The following SHANK2 variants were observed in gnomAD, a reference collection of about 807,000 sequenced individuals.
SHANK2 encodes SH3 and multiple ankyrin repeat domains protein 2.
A neutral mutation model predicts 133.7 loss-of-function variants in SHANK2; 43 were observed. The observed-to-expected ratio is 0.32, with a 90% CI of 0.25 to 0.41. The LOEUF is 0.41. Ranked by LOEUF, SHANK2 falls within the 10% of genes least tolerant of loss-of-function variation. The probability of loss-of-function intolerance (pLI) is 1.00; values close to 1 mark genes in which losing one functional copy is unlikely to be tolerated. For synonymous variants in SHANK2, 1,017 were observed against 952.8 expected (o/e 1.07, Z -1.24); for missense variants, 1,994 against 2,235.8 (o/e 0.89, Z 2.18).
rs1005134815 is a variant in SHANK2, at chr11:70,718,633, G to A, written c.1778-19870C>T. 1.5e-4 allele frequency among the ~76,000 whole-genome samples: 23 copies of A among 151,886 alleles called. No homozygotes were observed. The East Asian group carries it at 2.3e-3, about 15-fold the overall frequency. On this transcript the variant is annotated intron_variant, in intron 14 of 25. Coordinates refer to ENST00000601538, the MANE Select transcript of SHANK2 (RefSeq NM_012309.5). The stretch of plus-strand genomic sequence containing the variant: ...AAATACTTCCCAATCGGTACGTCCC[G>A]TGAGAAGGCGAATGTCACAGCAGGG...
At chr11:70,718,887 C>A (rs939094157) in intron 14 of SHANK2, among the ~76,000 whole-genome samples, 1 of 152,142 alleles carries the variant, frequency 6.6e-6, no homozygotes, top group Admixed American at 6.5e-5. Context: ...TGGACTGAAT[C>A]CCACTTTGCC....
intron 15 of SHANK2, among the ~76,000 whole-genome samples, chr11:70,691,875 C>G (rs1483391989): frequency 6.6e-6 from 1 of 152,094 alleles, no homozygotes. Flanking sequence ...GCCTGGGCAA[C>G]AGAGCAAAAC....
At chr11:71,079,753 C>A (rs1951268258) in intron 8 of SHANK2, among the ~76,000 whole-genome samples, 1 of 146,836 alleles carries the variant, frequency 6.8e-6, no homozygotes, top group South Asian at 2.3e-4. Context: ...GAGTGAGACT[C>A]CGAGAAAAGA....
intron 16 of SHANK2, among the ~76,000 whole-genome samples, chr11:70,660,519 ATG>A (rs1283341752): frequency 2.6e-5 from 4 of 151,962 alleles, no homozygotes; most frequent in East Asian, 1.9e-4. Context: ...GGGCACTGGC[ATG>A]TGTGTGTGTG....
intron 17 of SHANK2, among the ~76,000 whole-genome samples, chr11:70,598,253 G>A (rs186260345): frequency 5.9e-4 from 89 of 150,476 alleles, no homozygotes; most frequent in Non-Finnish European, 1.0e-3. Flanking sequence ...AGTTGGGCTG[G>A]AGAGAAGGGT....
At chr11:71,219,805 GGA>G (rs1436021731) in intron 2 of SHANK2, among the ~76,000 whole-genome samples, 2 of 152,228 alleles carry the variant, frequency 1.3e-5, no homozygotes, top group Admixed American at 1.3e-4. Flanking sequence ...GGCTGAGGTA[GGA>G]GAATCACTTG....
At chr11:70,914,793 C>T (rs187977201) in intron 10 of SHANK2, among the ~76,000 whole-genome samples, 23 of 150,812 alleles carry the variant, frequency 1.5e-4, no homozygotes, top group African/African-American at 5.1e-4. Context: ...CAGGAGACTG[C>T]GAAGGGAGGA....
intron 17 of SHANK2, among the ~76,000 whole-genome samples, chr11:70,547,421 T>G (rs1301650548): frequency 6.7e-6 from 1 of 149,986 alleles, no homozygotes; most frequent in East Asian, 2.1e-4. Context: ...TCACCACACC[T>G]GGCTAATTTT....
At position 71,247,476 on chromosome 11, in the gene SHANK2, G is replaced by GTTT. The variant is rs5792549; in HGVS notation, c.-113+4946_-113+4948dup. Among the ~76,000 whole-genome samples the GTTT allele has an allele frequency of 2.1e-4, 31 of 147,382 alleles. 2 individuals are homozygous for GTTT. The highest frequency in any genetic ancestry group is 7.5e-5 in the Non-Finnish European group (5 of 66,728). ...CAGAAAATGTATGAGAGAACAAGCT[G>GTTT]TTTTTTTTAAAAAAAACAACACTTT... On this transcript the variant is annotated intron_variant, in intron 1 of 25. Coordinates refer to ENST00000601538, the MANE Select transcript of SHANK2 (RefSeq NM_012309.5).
intron 14 of SHANK2, among the ~76,000 whole-genome samples, chr11:70,735,285 G>T (rs566379251): frequency 6.6e-6 from 1 of 152,320 alleles, no homozygotes; most frequent in South Asian, 2.1e-4. Flanking sequence ...TCTTGGGAAG[G>T]CCTGGCTTCC....
chr11:70,847,070 G>A (rs1237777348), intron 11 of SHANK2, among the ~76,000 whole-genome samples: 2 of 152,208 alleles, frequency 1.3e-5, no homozygotes, highest in Non-Finnish European at 2.9e-5. Context: ...GAGGAGAGGT[G>A]GAGGCCCCCA....
In SHANK2 at chr11:70,473,562, C is replaced by A. The variant is rs1327278977; in HGVS notation, c.4980-123G>T. 1.1e-6 allele frequency: 1 copy of A among 946,442 alleles called. No individual in the cohort carries two copies. The highest frequency in any genetic ancestry group is 1.7e-6 in the Non-Finnish European group (1 of 605,562). The allele number at this position is 946,442 out of a possible 1,614,324, so 58.6% of individuals were successfully genotyped here. A position where few individuals can be genotyped will look rare whatever the true frequency, so the allele number is the denominator to read the frequency against. On this transcript the variant is annotated intron_variant, in intron 25 of 25. Coordinates refer to ENST00000601538, the MANE Select transcript of SHANK2 (RefSeq NM_012309.5). The surrounding 1 kb of genome is among the most constrained non-coding windows in gnomAD (Gnocchi z 5.9). ...CATGCCAGAGTGTCTAGTGGCAGATCCACTGGCAGTGAACGAATGATTTGC... is the reference window on the plus strand; with the variant it reads ...CATGCCAGAGTGTCTAGTGGCAGATACACTGGCAGTGAACGAATGATTTGC...
At chr11:70,549,583 C>T (rs1484501321) in intron 17 of SHANK2, among the ~76,000 whole-genome samples, 3 of 152,120 alleles carry the variant, frequency 2.0e-5, no homozygotes, top group Non-Finnish European at 4.4e-5. Flanking sequence ...GGCCGTGGCT[C>T]CCCTCTCAGA....
Position 70,706,971 on chromosome 11 carries a change from G to A in SHANK2, c.1778-8208C>T, listed in dbSNP as rs73527917. Among the ~76,000 whole-genome samples, 353 of 152,238 alleles carry A rather than the reference G, an allele frequency of 2.3e-3. 2 individuals are homozygous for A. The highest frequency in any genetic ancestry group is 8.2e-3 in the African/African-American group (341 of 41,546). On this transcript the variant is annotated intron_variant, in intron 14 of 25. Transcript: ENST00000601538. Reference sequence around the variant, plus strand: ...TGATCCTGCGCTCTGACTGTTTCTGGAAAAGGAAATAAGAGGATTTTTCTC... The same window carrying A: ...TGATCCTGCGCTCTGACTGTTTCTGAAAAAGGAAATAAGAGGATTTTTCTC...
At chr11:71,208,476 T>C (rs147781264) in intron 2 of SHANK2, among the ~76,000 whole-genome samples, 2,301 of 152,116 alleles carry the variant, frequency 0.015, 30 homozygotes, top group Non-Finnish European at 0.024. Flanking sequence ...CCAGGGGACA[T>C]TACGTTGCCA....
chr11:70,753,999 A>G (rs1160670030), intron 14 of SHANK2, among the ~76,000 whole-genome samples: 1 of 152,142 alleles, frequency 6.6e-6, no homozygotes, highest in Non-Finnish European at 1.5e-5. Flanking sequence ...ATTAGTAGAG[A>G]TGGGGTTTCA....
At chr11:70,944,385 C>A (rs1012221971) in intron 10 of SHANK2, among the ~76,000 whole-genome samples, 1 of 152,212 alleles carries the variant, frequency 6.6e-6, no homozygotes, top group African/African-American at 2.4e-5. Context: ...TCTTCCTGTC[C>A]CCTGGCTCAC....
intron 11 of SHANK2, among the ~76,000 whole-genome samples, chr11:70,868,262 C>T (rs1780752855): frequency 6.6e-6 from 1 of 152,154 alleles, no homozygotes. Flanking sequence ...CATACGGACA[C>T]CTGTCCACGG....
intron 3 of SHANK2, among the ~76,000 whole-genome samples, chr11:71,140,253 AG>A (rs1259127976): frequency 1.3e-4 from 20 of 152,228 alleles, no homozygotes; most frequent in Non-Finnish European, 2.9e-4. Context: ...AGAAACAACC[AG>A]GCTCCCACGA....
Sources: gnomAD v4.1 joint callset for allele counts (sites outside exome capture counted in the v4.1 genomes callset) on GRCh38, gnomAD v4.1.1 for gene constraint, Gnocchi (gnomAD v3.1) non-coding constraint, MANE v1.5 for transcripts, NCBI Gene and HGNC (gene_info 2026-07-23, HGNC 2026-07-21) for gene names.